Variants in ZNF331 observed in about 807,000 individuals in gnomAD.
ZNF331 encodes C2H2-like zinc finger protein rearranged in thyroid adenomas.
ZNF331 carries 2 observed loss-of-function variants against 7.0 expected under a neutral mutation model. The ratio of observed to expected loss-of-function variants is 0.29; its 90% confidence interval spans 0.12 to 0.90. The LOEUF is 0.90. Ranked by LOEUF, ZNF331 falls within the 40% of genes least tolerant of loss-of-function variation. The pLI, the probability that ZNF331 is intolerant of heterozygous loss-of-function variation, is 0.58. For missense variants in ZNF331, 432 were observed against 587.7 expected (o/e 0.74, Z 2.74); for synonymous variants, 196 against 205.4 (o/e 0.95, Z 0.39).
intron 2 of ZNF331, among the ~76,000 whole-genome samples, chr19:53,549,835 ATGTT>A (rs765819541): frequency 3.3e-5 from 5 of 150,614 alleles, no homozygotes; most frequent in African/African-American, 7.3e-5. Flanking sequence ...GTTCCTTGAA[ATGTT>A]TGTTTGAGAT....
chr19:53,532,301 C>T (rs2087573355), intron 2 of ZNF331, among the ~76,000 whole-genome samples: 1 of 152,130 alleles, frequency 6.6e-6, no homozygotes, highest in Non-Finnish European at 1.5e-5. Flanking sequence ...TCTATGAGTT[C>T]AGCTTTTTGA....
At chr19:53,551,515 CA>C in intron 2 of ZNF331, among the ~76,000 whole-genome samples, 1 of 152,210 alleles carries the variant, frequency 6.6e-6, no homozygotes, top group South Asian at 2.1e-4. Context: ...GAAAACCTCT[CA>C]TATATTTACA....
At position 53,539,903 on chromosome 19, in the gene ZNF331, A is replaced by T. The variant is rs1383913656; in HGVS notation, c.-138+621A>T. 6.6e-6 allele frequency among the ~76,000 whole-genome samples: 1 copy of T among 152,222 alleles called. No individual in the cohort carries two copies. Among genetic ancestry groups the T allele is most frequent in the Admixed American group, 6.5e-5 (1 of 15,286 alleles). ...TCATTTCATGGAATACTCTGCAGCTACAAAGAAGTAAGTTTAGTTATAACC... is the reference window on the plus strand; with the variant it reads ...TCATTTCATGGAATACTCTGCAGCTTCAAAGAAGTAAGTTTAGTTATAACC... On this transcript the variant is annotated intron_variant, in intron 2 of 5. Transcript: ENST00000449416. The surrounding 1 kb of genome is among the most constrained non-coding windows in gnomAD (Gnocchi z 6.1).
At chr19:53,536,719 G>A (rs1379957370), upstream of ZNF331, among the ~76,000 whole-genome samples, 4 of 152,172 alleles carry the variant, frequency 2.6e-5, no homozygotes, top group Non-Finnish European at 5.9e-5. Flanking sequence ...GACCAACATA[G>A]AGAAACCCCG....
chr19:53,506,795 G>A, the ZNF331 span, among the ~76,000 whole-genome samples: 2 of 152,184 alleles, frequency 1.3e-5, no homozygotes, highest in East Asian at 3.9e-4. Context: ...TTTGGGCTTC[G>A]TGTCCCTATG....
chr19:53,563,052 C>T (rs772580313), intron 3 of ZNF331, among the ~76,000 whole-genome samples: 4 of 152,154 alleles, frequency 2.6e-5, no homozygotes, highest in South Asian at 2.1e-4. Flanking sequence ...GGCATCTTCT[C>T]GAAATAGGTT....
At chr19:53,511,114 G>A in the ZNF331 span, among the ~76,000 whole-genome samples, 1 of 152,094 alleles carries the variant, frequency 6.6e-6, no homozygotes, top group East Asian at 1.9e-4. Flanking sequence ...AAATCAGGGT[G>A]GAGATGAAGC....
chr19:53,538,915 T>G (rs80101355), intron 1 of ZNF331: 11,055 of 152,390 alleles, frequency 0.073, 531 homozygotes, highest in Non-Finnish European at 0.11. Context: ...GAGCCTCGCC[T>G]GGAAATTCAC....
At chr19:53,550,527 G>GTTTT (rs2088914701) in intron 2 of ZNF331, among the ~76,000 whole-genome samples, 1 of 63,512 alleles carries the variant, frequency 1.6e-5, no homozygotes, top group Non-Finnish European at 3.3e-5. Flanking sequence ...AGTCTATTTT[G>GTTTT]TCTTTTTTTT....
chr19:53,571,814 A>G lies in ZNF331; in HGVS notation c.136+84A>G, dbSNP rs2090457694. On this transcript the variant is annotated intron_variant, in intron 5 of 5. Coordinates refer to ENST00000449416, the MANE Select transcript of ZNF331 (RefSeq NM_001079906.2). This position sits in a 1 kb window ranked among gnomAD's most constrained non-coding sequence, Gnocchi z 4.7. ...GAATTTCAGGACCGCCTTTCAAGAA[A>G]CTAGTTGAATTTCTTCTTCCTGTCC... 4.0e-6 allele frequency: 6 copies of G among 1,495,150 alleles called. No homozygotes were observed. The South Asian group carries it at 5.4e-5, about 14-fold the overall frequency. The allele number at this position is 1,495,150 out of a possible 1,614,324, so 92.6% of individuals were successfully genotyped here. A position where few individuals can be genotyped will look rare whatever the true frequency, so the allele number is the denominator to read the frequency against.
rs2089617772 is a variant in ZNF331 at position 53,558,970 on chromosome 19, T to C, written c.-74+3062T>C. On this transcript the variant is annotated intron_variant, in intron 3 of 5. Coordinates refer to ENST00000449416, the MANE Select transcript of ZNF331 (RefSeq NM_001079906.2). This position sits in a 1 kb window ranked among gnomAD's most constrained non-coding sequence, Gnocchi z 4.5. ...ATATACACATACCATATACACACCATACACACATATACACACACATACCCC... is the reference window on the plus strand; with the variant it reads ...ATATACACATACCATATACACACCACACACACATATACACACACATACCCC... Among the ~76,000 whole-genome samples the C allele has an allele frequency of 7.0e-6, 1 of 143,652 alleles. No homozygotes were observed. Among genetic ancestry groups the C allele is most frequent in the Non-Finnish European group, 1.5e-5 (1 of 66,344 alleles). 94.2% of individuals were successfully genotyped at this position (143,652 alleles called of 152,430 possible). A position where few individuals can be genotyped will look rare whatever the true frequency, so the allele number is the denominator to read the frequency against.
chr19:53,506,472 CTCTCTCTCTGTCTG>C, the ZNF331 span, among the ~76,000 whole-genome samples: 1 of 141,978 alleles, frequency 7.0e-6, no homozygotes, highest in Non-Finnish European at 1.5e-5. Flanking sequence ...CTCTCTCTCT[CTCTCTCTCTGTCTG>C]TCTCTCTCTC....
upstream of ZNF331, among the ~76,000 whole-genome samples, chr19:53,520,299 G>A (rs1393878465): frequency 6.6e-6 from 1 of 152,066 alleles, no homozygotes; most frequent in Non-Finnish European, 1.5e-5. Context: ...TACCCGCCTC[G>A]GCCTCCCAAA....
chr19:53,531,085 G>C (rs1438963866), intron 2 of ZNF331, among the ~76,000 whole-genome samples: 1 of 152,108 alleles, frequency 6.6e-6, no homozygotes, highest in Non-Finnish European at 1.5e-5. Context: ...TGCGCACCTA[G>C]AAAGACCCTA....
chr19:53,571,753 C>G lies in ZNF331; in HGVS notation c.136+23C>G, dbSNP rs2090454319. The G allele has an allele frequency of 6.3e-7, 1 of 1,584,776 alleles. No individual in the cohort carries two copies. The highest frequency in any genetic ancestry group is 2.3e-5 in the East Asian group (1 of 44,382). On this transcript the variant is annotated intron_variant, in intron 5 of 5. Coordinates refer to ENST00000449416, the MANE Select transcript of ZNF331 (RefSeq NM_001079906.2). This position sits in a 1 kb window ranked among gnomAD's most constrained non-coding sequence, Gnocchi z 4.7. ...TGGGTGAGTTGCACGCCTCAGATAA[C>G]TTAGACTGCCTCCTGGAATATCCGC...
At chr19:53,567,735 C>A (rs894662364) in intron 3 of ZNF331, among the ~76,000 whole-genome samples, 1 of 151,602 alleles carries the variant, frequency 6.6e-6, no homozygotes, top group Non-Finnish European at 1.5e-5. Context: ...CCCACCTACT[C>A]GGGAGGCTGA....
At chr19:53,531,394 C>T (rs1277794783) in intron 2 of ZNF331, among the ~76,000 whole-genome samples, 1 of 152,160 alleles carries the variant, frequency 6.6e-6, no homozygotes, top group African/African-American at 2.4e-5. Context: ...TCATGTGCCT[C>T]TTTGGCAAAC....
chr19:53,521,277 A>T (rs2087066615), exon 1 of ZNF331: 1 of 151,854 alleles, frequency 6.6e-6, no homozygotes, highest in African/African-American at 2.4e-5. Context: ...TAAAATGAAG[A>T]AGCTTCGGCC....
At chr19:53,572,563 CACATATATATTATATAT>C (rs1489648723) in intron 5 of ZNF331, among the ~76,000 whole-genome samples, 3,207 of 102,792 alleles carry the variant, frequency 0.031, 161 homozygotes, top group African/African-American at 0.13. Context: ...TATATACACA[CACATATATATTATATAT>C]ACACATATAT....
Sources: allele counts gnomAD v4.1 joint callset (sites outside exome capture counted in the v4.1 genomes callset), GRCh38; gene constraint gnomAD v4.1.1; non-coding constraint Gnocchi (gnomAD v3.1); transcripts MANE v1.5; gene names NCBI Gene and HGNC (gene_info 2026-07-23, HGNC 2026-07-21).